Variants in ARL6 observed in about 807,000 individuals in gnomAD.
The protein encoded by ARL6 is ADP-ribosylation factor-like protein 6.
Under a neutral mutation model 27.1 loss-of-function variants are expected in ARL6, and 18 were observed. The ratio of observed to expected loss-of-function variants is 0.66; its 90% CI spans 0.46 to 0.98. The LOEUF (loss-of-function observed/expected upper bound fraction) is 0.98. Ranked by LOEUF, ARL6 falls within the 50% of genes least tolerant of loss-of-function variation. ARL6 has a pLI of 0.00. For synonymous variants in ARL6, 65 were observed against 72.3 expected, an observed-to-expected ratio of 0.90 and a Z score of 0.51; for missense variants, 187 against 214.9, an observed-to-expected ratio of 0.87 and a Z score of 0.81.
intron 2 of ARL6, among the ~76,000 whole-genome samples, chr3:97,779,902 A>G (rs1001715193): frequency 6.6e-6 from 1 of 152,072 alleles, no homozygotes; most frequent in South Asian, 2.1e-4. Flanking sequence ...CACTTATAAA[A>G]CAAACGCTTA....
Position 97,785,072 on chromosome 3 carries a change from G to A in ARL6, c.349+23G>A, listed in dbSNP as rs755462579. ...CAGGTATGTGTGTGTCTTTCAGTCT[G>A]TATCTGTTCTTTGGGGTTCATTTAT... is the stretch of plus-strand genomic sequence containing the variant. On this transcript the variant is annotated intron_variant, in intron 5 of 7. Transcript: ENST00000463745. 5 of 1,578,534 alleles carry A rather than the reference G, an allele frequency of 3.2e-6. No individual in the cohort carries two copies. The South Asian group carries it at 4.4e-5, about 14-fold the overall frequency.
At chr3:97,788,241 A>G in intron 6 of ARL6, 122 bp downstream of exon 6, 1 of 1,083,984 alleles carries the variant, frequency 9.2e-7, no homozygotes, top group Non-Finnish European at 1.3e-6. Flanking sequence ...TAAGCTAAGG[A>G]TTTTGTTTTG....
intron 2 of ARL6, among the ~76,000 whole-genome samples, chr3:97,771,812 T>G (rs949539495): frequency 6.6e-6 from 1 of 152,200 alleles, no homozygotes; most frequent in Non-Finnish European, 1.5e-5. Context: ...TTGTCCTTGA[T>G]ACTATTAATC....
At chr3:97,783,643 G>T (rs1197935299) in intron 4 of ARL6, among the ~76,000 whole-genome samples, 2 of 151,720 alleles carry the variant, frequency 1.3e-5, no homozygotes, top group African/African-American at 2.4e-5. Flanking sequence ...GGTAATGTAT[G>T]TCTGTGATAA....
intron 6 of ARL6, 55 bp downstream of exon 6, chr3:97,788,174 A>G (rs191826012): frequency 1.3e-6 from 2 of 1,568,852 alleles, no homozygotes; most frequent in African/African-American, 2.7e-5. Context: ...TACAAGCTTC[A>G]GAGTTGTTTC....
chr3:97,767,696 T>C (rs951522317), intron 1 of ARL6, among the ~76,000 whole-genome samples: 1 of 152,176 alleles, frequency 6.6e-6, no homozygotes, highest in Non-Finnish European at 1.5e-5. Context: ...ATGAACCCCA[T>C]TGCCCATTCA....
At chr3:97,793,164 C>G (rs973934556) in intron 7 of ARL6, among the ~76,000 whole-genome samples, 2 of 152,126 alleles carry the variant, frequency 1.3e-5, no homozygotes, top group African/African-American at 4.8e-5. Flanking sequence ...TATTGTACTT[C>G]TGTGTCTTTT....
chr3:97,767,946 T>C (rs763228022), intron 1 of ARL6, 135 bp from the exon 2 acceptor site: 39 of 781,268 alleles, frequency 5.0e-5, no homozygotes, highest in Non-Finnish European at 7.2e-5. Flanking sequence ...GTTTACTAAG[T>C]GCAAAGCTAC....
rs1282482091 is a variant in ARL6 at position 97,784,960 on chromosome 3, G to A, written c.260G>A (p.Gly87Asp). The stretch of plus-strand genomic sequence containing the variant: ...TTTTTCTTTACATTACACAGAGAAG[G>A]CCAAGCTATTATTTTTGTCATTGAT... ...RNLWEHYYKE[G>D]QAIIFVIDSS... is the part of the protein sequence containing the mutation. Residue 87 changes from glycine to aspartate, a missense_variant, in exon 5 of 8, where the codon GGC becomes GAC. By Grantham distance (94) the Gly-to-Asp change is moderately conservative (BLOSUM62 -1). Coordinates refer to ENST00000463745, the MANE Select transcript of ARL6 (RefSeq NM_001278293.3). 2 of 1,610,906 alleles carry A rather than the reference G, an allele frequency of 1.2e-6. No individual in the cohort carries two copies. Among genetic ancestry groups the A allele is most frequent in the Non-Finnish European group, 1.7e-6 (2 of 1,177,670 alleles).
intron 1 of ARL6, chr3:97,766,782 A>G (rs559160806): frequency 1.3e-5 from 2 of 152,340 alleles, no homozygotes; most frequent in East Asian, 1.9e-4. Flanking sequence ...GGAGATGAGA[A>G]TAAGTCAATT....
intron 2 of ARL6, among the ~76,000 whole-genome samples, chr3:97,777,955 G>A (rs2036990644): frequency 6.6e-6 from 1 of 152,344 alleles, no homozygotes; most frequent in South Asian, 2.1e-4. Flanking sequence ...TTGTGAAGAA[G>A]TTAGGTGATC....
At chr3:97,764,754 T>G (rs1031745588), upstream of ARL6, 2 of 152,340 alleles carry the variant, frequency 1.3e-5, no homozygotes, top group African/African-American at 4.8e-5. Flanking sequence ...GAACGGTGCC[T>G]GCCAAGGCGC....
chr3:97,773,133 T>C (rs1049348962), intron 2 of ARL6, among the ~76,000 whole-genome samples: 20 of 152,142 alleles, frequency 1.3e-4, no homozygotes, highest in Non-Finnish European at 1.8e-4. Flanking sequence ...TCCACAATAG[T>C]CTGTCTGCAG....
At chr3:97,778,537 G>A (rs954514513) in intron 2 of ARL6, among the ~76,000 whole-genome samples, 4 of 152,004 alleles carry the variant, frequency 2.6e-5, no homozygotes, top group African/African-American at 9.6e-5. Flanking sequence ...CTCTAATACT[G>A]TTTTTTTATA....
chr3:97,768,535 G>C (rs564980365), intron 2 of ARL6, among the ~76,000 whole-genome samples: 5 of 152,190 alleles, frequency 3.3e-5, no homozygotes, highest in African/African-American at 1.2e-4. Context: ...GCAAAACAGA[G>C]AAAGGTGAAA....
chr3:97,792,048 A>C (rs1244666163), intron 7 of ARL6: 2 of 531,822 alleles, frequency 3.8e-6, no homozygotes, highest in African/African-American at 3.8e-5. Context: ...GAATCTTTAC[A>C]GTCAATATAT....
intron 5 of ARL6, among the ~76,000 whole-genome samples, 183 bp downstream of exon 5, chr3:97,785,232 CA>C (rs1435153981): frequency 6.7e-6 from 1 of 149,462 alleles, no homozygotes; most frequent in Non-Finnish European, 1.5e-5. Flanking sequence ...ATTTTGCATG[CA>C]ATGTAAATGT....
intron 2 of ARL6, among the ~76,000 whole-genome samples, chr3:97,769,914 A>G (rs1314836627): frequency 3.9e-5 from 6 of 152,130 alleles, no homozygotes; most frequent in African/African-American, 1.4e-4. Context: ...TATGTACCAA[A>G]TTTTCATTAT....
At chr3:97,765,513 G>A (rs745647490) in intron 1 of ARL6, among the ~76,000 whole-genome samples, 2 of 152,104 alleles carry the variant, frequency 1.3e-5, no homozygotes, top group Non-Finnish European at 1.5e-5. Flanking sequence ...ATAACCAAGA[G>A]AATTTGGCTG....
Sources: gnomAD v4.1 joint callset for allele counts (sites outside exome capture counted in the v4.1 genomes callset) on GRCh38, gnomAD v4.1.1 for gene constraint, MANE v1.5 for transcripts, NCBI Gene and HGNC (gene_info 2026-07-23, HGNC 2026-07-21) for gene names.